The following ADARB2 variants were observed in gnomAD, a reference collection of about 807,000 sequenced individuals.
ADARB2 encodes the protein inactive double-stranded RNA-specific editase B2.
In ADARB2, 25 loss-of-function variants were observed where a neutral mutation model predicts 62.2. That is an observed-to-expected ratio of 0.40 (90% CI 0.29 to 0.56). The LOEUF is 0.56. Ranked by LOEUF, ADARB2 falls within the 20% of genes least tolerant of loss-of-function variation. The pLI is 0.43. For missense variants in ADARB2, 1,071 were observed against 1,077.4 expected (o/e 0.99, Z 0.08); for synonymous variants, 572 against 500.8 (o/e 1.14, Z -1.90).
intron 1 of ADARB2, among the ~76,000 whole-genome samples, chr10:1,648,490 T>C (rs964161004): frequency 3.9e-5 from 6 of 152,146 alleles, no homozygotes; most frequent in African/African-American, 1.4e-4. Context: ...ATCTCCCCCA[T>C]AGTTTTACAA....
chr10:1,400,206 C>A (rs1832650088), intron 1 of ADARB2, among the ~76,000 whole-genome samples: 2 of 152,224 alleles, frequency 1.3e-5, no homozygotes, highest in South Asian at 4.1e-4. Context: ...GTCTGTCTCT[C>A]CTGCGTGGGT....
At chr10:1,674,615 G>A (rs1330720077) in intron 1 of ADARB2, among the ~76,000 whole-genome samples, 3 of 152,194 alleles carry the variant, frequency 2.0e-5, no homozygotes, top group African/African-American at 7.2e-5. Flanking sequence ...GTTGCGGTTG[G>A]GAGGTCACAG....
At chr10:1,267,785 T>G (rs901151859) in intron 4 of ADARB2, among the ~76,000 whole-genome samples, 3 of 152,222 alleles carry the variant, frequency 2.0e-5, no homozygotes, top group African/African-American at 7.2e-5. Context: ...CCAGGCTCCC[T>G]TCCCAGCGGA....
intron 1 of ADARB2, among the ~76,000 whole-genome samples, chr10:1,543,022 C>G (rs1832459774): frequency 6.6e-6 from 1 of 152,262 alleles, no homozygotes; most frequent in African/African-American, 2.4e-5. Flanking sequence ...TTTCCACTTG[C>G]AGCTCCGCGC....
At chr10:1,449,386 C>T (rs898517663) in intron 1 of ADARB2, among the ~76,000 whole-genome samples, 1 of 152,196 alleles carries the variant, frequency 6.6e-6, no homozygotes, top group African/African-American at 2.4e-5. Flanking sequence ...CTCCACTGTG[C>T]TGAGTGTGTG....
chr10:1,277,856 T>C (rs1831332943), intron 3 of ADARB2, among the ~76,000 whole-genome samples: 1 of 152,224 alleles, frequency 6.6e-6, no homozygotes, highest in South Asian at 2.1e-4. Flanking sequence ...AAATCCTCAA[T>C]AAAATACTGG....
At chr10:1,470,737 A>G (rs1831310389) in intron 1 of ADARB2, among the ~76,000 whole-genome samples, 1 of 152,218 alleles carries the variant, frequency 6.6e-6, no homozygotes, top group Admixed American at 6.5e-5. Context: ...GAGAAAAGAG[A>G]ACCTATAAAA....
In ADARB2 at chr10:1,181,831, A is replaced by C. The variant is rs907247148; in HGVS notation, c.*1362T>G. ...GGCTATCTAGCATGATGAATGTTAG[A>C]AATGAGTTCTCGGAGGTGAGATGAC... On this transcript the variant is annotated 3_prime_UTR_variant, in exon 10 of 10. Transcript: ENST00000381312. 4 of 152,216 alleles carry C rather than the reference A, an allele frequency of 2.6e-5. No individual in the cohort carries two copies. Among genetic ancestry groups the C allele is most frequent in the Non-Finnish European group, 5.9e-5 (4 of 68,042 alleles). 9.4% of individuals were successfully genotyped at this position (152,216 alleles called of 1,614,324 possible). A position where few individuals can be genotyped will look rare whatever the true frequency, so the allele number is the denominator to read the frequency against.
intron 1 of ADARB2, among the ~76,000 whole-genome samples, chr10:1,422,094 G>A (rs1431004574): frequency 6.6e-6 from 1 of 152,214 alleles, no homozygotes; most frequent in East Asian, 1.9e-4. Flanking sequence ...CAAAGCCATG[G>A]ACATATCCCT....
intron 1 of ADARB2, among the ~76,000 whole-genome samples, chr10:1,548,272 G>T (rs1832557275): frequency 6.6e-6 from 1 of 152,210 alleles, no homozygotes; most frequent in Non-Finnish European, 1.5e-5. Context: ...GATGTCTGGA[G>T]GCAAATGCCT....
At chr10:1,186,863 G>A (rs1836766199) in intron 8 of ADARB2, among the ~76,000 whole-genome samples, 2 of 152,218 alleles carry the variant, frequency 1.3e-5, no homozygotes, top group Admixed American at 6.5e-5. Context: ...GCAGACTCCC[G>A]GGAGGAAGCT....
chr10:1,348,774 C>T (rs577821093), intron 3 of ADARB2, among the ~76,000 whole-genome samples: 3 of 152,338 alleles, frequency 2.0e-5, no homozygotes, highest in Admixed American at 6.5e-5. Flanking sequence ...CGGGCTGCTG[C>T]TGAGGCCAAC....
chr10:1,276,756 C>A (rs1831321734), intron 3 of ADARB2, among the ~76,000 whole-genome samples: 1 of 152,146 alleles, frequency 6.6e-6, no homozygotes, highest in Admixed American at 6.6e-5. Context: ...CCAAGCAGAC[C>A]TAATAGACAT....
At chr10:1,225,242 T>C (rs1589157149) in intron 6 of ADARB2, among the ~76,000 whole-genome samples, 1 of 152,262 alleles carries the variant, frequency 6.6e-6, no homozygotes, top group African/African-American at 2.4e-5. Context: ...TTGCAACCCC[T>C]GCCTTTTTTT....
At chr10:1,208,222 T>G (rs1837095408) in intron 7 of ADARB2, among the ~76,000 whole-genome samples, 1 of 152,240 alleles carries the variant, frequency 6.6e-6, no homozygotes, top group Non-Finnish European at 1.5e-5. Context: ...GATAGGTGAT[T>G]TCTCTCACCT....
At chr10:1,693,185 C>T (rs372760743) in intron 1 of ADARB2, among the ~76,000 whole-genome samples, 5 of 152,118 alleles carry the variant, frequency 3.3e-5, no homozygotes, top group African/African-American at 7.2e-5. Flanking sequence ...GTGAGGGCTC[C>T]GGGGAGAGTA....
chr10:1,243,278 C>T (rs965379026), intron 4 of ADARB2, among the ~76,000 whole-genome samples: 7 of 152,252 alleles, frequency 4.6e-5, no homozygotes, highest in Non-Finnish European at 8.8e-5. Context: ...AGCACGGAGA[C>T]GCGTTAGCCG....
intron 6 of ADARB2, among the ~76,000 whole-genome samples, chr10:1,226,706 CG>C (rs1302218420): frequency 6.6e-6 from 1 of 152,232 alleles, no homozygotes; most frequent in African/African-American, 2.4e-5. Flanking sequence ...GTATCTGCAG[CG>C]GTGGCTGTAG....
rs533028879 is a variant in ADARB2 at position 1,715,458 on chromosome 10, T to C, written c.100+21593A>G. ...TTGATTGAGAAACTTTCAAGGTTGTTTAATATTAAATGTGATTTAAAAAAA... is the reference window on the plus strand; with the variant it reads ...TTGATTGAGAAACTTTCAAGGTTGTCTAATATTAAATGTGATTTAAAAAAA... On this transcript the variant is annotated intron_variant, in intron 1 of 9. Coordinates refer to ENST00000381312, the MANE Select transcript of ADARB2 (RefSeq NM_018702.4). Among the ~76,000 whole-genome samples, 9 of 151,246 alleles carry C rather than the reference T, an allele frequency of 6.0e-5. No individual in the cohort carries two copies. The South Asian group carries it at 1.1e-3, about 18-fold the overall frequency.
Sources: allele counts gnomAD v4.1 joint callset (sites outside exome capture counted in the v4.1 genomes callset), GRCh38; gene constraint gnomAD v4.1.1; transcripts MANE v1.5; gene names NCBI Gene and HGNC (gene_info 2026-07-23, HGNC 2026-07-21).